Variants in SLCO1A2 observed in about 807,000 individuals in gnomAD.
SLCO1A2 encodes solute carrier organic anion transporter family member 1A2.
In SLCO1A2, 67 loss-of-function variants were observed where a neutral mutation model predicts 69.0. The observed-to-expected ratio is 0.97, with a 90% CI of 0.80 to 1.19. SLCO1A2 has a LOEUF of 1.19. Among genes scored for constraint, SLCO1A2 ranks in the 50% most tolerant of loss-of-function variants. The pLI, the probability that SLCO1A2 is intolerant of heterozygous loss-of-function variation, is 0.00. For synonymous variants in SLCO1A2, 260 were observed against 265.9 expected (o/e 0.98, Z 0.22); for missense variants, 787 against 793.7 (o/e 0.99, Z 0.10).
rs1234574355 is a variant in SLCO1A2, at chr12:21,308,134, A to T, written c.336-1146T>A. 5.9e-5 allele frequency among the ~76,000 whole-genome samples: 9 copies of T among 152,248 alleles called. 1 individual carries two copies. Among genetic ancestry groups the T allele is most frequent in the Admixed American group, 5.9e-4 (9 of 15,286 alleles). On this transcript the variant is annotated intron_variant, in intron 4 of 14. Transcript: ENST00000683939. ...GATCCCTTCAAAAATACTTTAAAAG[A>T]GAAAATATGTTTTGTTAATTTATCC...
Position 21,269,440 on chromosome 12 carries a change from GT to G in SLCO1A2, c.*107del, listed in dbSNP as rs1942399953. On this transcript the variant is annotated 3_prime_UTR_variant, in exon 15 of 15. Transcript: ENST00000683939. ...TATTTTGAGTTAAGAGGTTTTTTAG[GT>G]TCTTAAAGACAAGAAAAAGTTATCT... 1 of 717,304 alleles carries G rather than the reference GT, an allele frequency of 1.4e-6. No homozygotes were observed. The highest frequency in any genetic ancestry group is 1.8e-5 in the African/African-American group (1 of 54,990). The allele number at this position is 717,304 out of a possible 1,614,324, so 44.4% of individuals were successfully genotyped here. A position where few individuals can be genotyped will look rare whatever the true frequency, so the allele number is the denominator to read the frequency against.
intron 1 of SLCO1A2, among the ~76,000 whole-genome samples, chr12:21,408,833 A>G (rs1012034739): frequency 3.3e-5 from 5 of 152,148 alleles, no homozygotes; most frequent in Non-Finnish European, 5.9e-5. Flanking sequence ...CCTAACAAAT[A>G]GGATGGAGAA....
At chr12:21,412,767 C>G (rs1941928678) in intron 1 of SLCO1A2, among the ~76,000 whole-genome samples, 1 of 152,088 alleles carries the variant, frequency 6.6e-6, no homozygotes, top group South Asian at 2.1e-4. Context: ...AGCCCCTCAC[C>G]ATGACAAAGG....
intron 1 of SLCO1A2, among the ~76,000 whole-genome samples, chr12:21,382,454 A>C (rs1229304806): frequency 6.6e-6 from 1 of 152,126 alleles, no homozygotes; most frequent in Admixed American, 6.5e-5. Flanking sequence ...GTAACCAAAA[A>C]CCACTTGTAC....
chr12:21,341,090 C>T (rs1196253813), intron 2 of SLCO1A2, among the ~76,000 whole-genome samples: 1 of 151,904 alleles, frequency 6.6e-6, no homozygotes, highest in African/African-American at 2.4e-5. Context: ...AATTAAAGCA[C>T]AGAGAGGTCA....
chr12:21,301,396 T>C (rs373705022), intron 6 of SLCO1A2, 127 bp from the exon 7 acceptor site: 1 of 480,414 alleles, frequency 2.1e-6, no homozygotes, highest in Non-Finnish European at 3.6e-6. Flanking sequence ...ACACAATTTA[T>C]ATGAAGTTAA....
intron 12 of SLCO1A2, among the ~76,000 whole-genome samples, chr12:21,276,881 C>T (rs933316683): frequency 3.3e-5 from 5 of 152,194 alleles, no homozygotes; most frequent in African/African-American, 1.2e-4. Flanking sequence ...ATCACCCAGC[C>T]CCACAGTTAG....
chr12:21,272,887 T>G (rs1437539894), intron 14 of SLCO1A2, among the ~76,000 whole-genome samples: 2 of 152,136 alleles, frequency 1.3e-5, no homozygotes, highest in East Asian at 3.8e-4. Context: ...TTTAGGAAAA[T>G]GTAAAGGTAA....
chr12:21,276,979 A>G (rs1159312353), intron 12 of SLCO1A2, among the ~76,000 whole-genome samples: 1 of 152,192 alleles, frequency 6.6e-6, no homozygotes, highest in Non-Finnish European at 1.5e-5. Flanking sequence ...CAAGGACTAC[A>G]ACTCCTAGGC....
At chr12:21,292,741 G>A (rs560198107) in intron 11 of SLCO1A2, among the ~76,000 whole-genome samples, 72 of 152,024 alleles carry the variant, frequency 4.7e-4, no homozygotes, top group African/African-American at 1.6e-3. Flanking sequence ...GACTACAGGC[G>A]CCTGCCACCA....
At chr12:21,318,968 T>C in intron 2 of SLCO1A2, 45 bp from the exon 3 acceptor site, 8 of 1,443,618 alleles carry the variant, frequency 5.5e-6, no homozygotes, top group Non-Finnish European at 7.5e-6. Context: ...TATTTTTAAA[T>C]TGTATACTTG....
In SLCO1A2 at chr12:21,300,364, T is replaced by G; in HGVS notation, c.894A>C (p.Lys298Asn). 1 of 1,610,302 alleles carries G rather than the reference T, an allele frequency of 6.2e-7. No individual in the cohort carries two copies. The highest frequency in any genetic ancestry group is 8.5e-7 in the Non-Finnish European group (1 of 1,177,284). ...DKQKEEVKKE[K>N]YGITKDFLPF... ...TATATTTGCCTTTAGTGATTCCATA[T>G]TTTTCCTTCTTGACCTCTTCTTTTT... The change falls in exon 8 of 15, where the codon AAA becomes AAC. Residue 298 changes from lysine (K) to asparagine (N), a missense_variant. Transcript: ENST00000683939.
intron 4 of SLCO1A2, among the ~76,000 whole-genome samples, chr12:21,308,183 T>A (rs766190243): frequency 9.2e-5 from 14 of 152,122 alleles, no homozygotes; most frequent in Non-Finnish European, 1.9e-4. Context: ...TAACTCAAAG[T>A]CTATTCATTC....
chr12:21,301,936 G>T (rs1414799093), intron 6 of SLCO1A2, among the ~76,000 whole-genome samples: 1 of 152,094 alleles, frequency 6.6e-6, no homozygotes, highest in Admixed American at 6.6e-5. Flanking sequence ...CCAGACACGA[G>T]CTTCTTCAAC....
chr12:21,343,507 C>G (rs909856229), intron 2 of SLCO1A2, among the ~76,000 whole-genome samples: 1 of 152,048 alleles, frequency 6.6e-6, no homozygotes, highest in Non-Finnish European at 1.5e-5. Flanking sequence ...AAGACAACTT[C>G]AAGGTTAAAT....
exon 2 of SLCO1A2, chr12:21,374,474 G>A (rs1341339129): frequency 2.0e-5 from 3 of 151,940 alleles, no homozygotes; most frequent in South Asian, 2.1e-4. Context: ...GTTTTCCTTC[G>A]AGGTAGTTTT....
intron 2 of SLCO1A2, chr12:21,373,639 C>A (rs1465764246): frequency 1.6e-5 from 11 of 700,414 alleles, no homozygotes; most frequent in Non-Finnish European, 2.6e-5. Context: ...GAACTTCTGA[C>A]AGACAGGAAT....
At chr12:21,391,617 T>C (rs1233882830) in intron 1 of SLCO1A2, among the ~76,000 whole-genome samples, 1 of 152,120 alleles carries the variant, frequency 6.6e-6, no homozygotes, top group Non-Finnish European at 1.5e-5. Context: ...TGTGGTGACA[T>C]CAGAAAAGAA....
In SLCO1A2 at chr12:21,306,881, C is replaced by T; in HGVS notation, c.442+1G>A. ...AAAATCAATACAATGAAGTAGACAACCTGATGGATCCTGCGTTGGTCTTAA... is the reference window on the plus strand; with the variant it reads ...AAAATCAATACAATGAAGTAGACAATCTGATGGATCCTGCGTTGGTCTTAA... On this transcript the variant is annotated splice_donor_variant, in intron 5 of 14. Transcript: ENST00000683939. LOFTEE classifies it high-confidence loss of function. 6.2e-7 allele frequency: 1 copy of T among 1,608,968 alleles called. No individual in the cohort carries two copies.
Sources: gnomAD v4.1 joint callset for allele counts (sites outside exome capture counted in the v4.1 genomes callset) on GRCh38, gnomAD v4.1.1 for gene constraint, MANE v1.5 for transcripts, NCBI Gene and HGNC (gene_info 2026-07-23, HGNC 2026-07-21) for gene names.